Variants in DENND1A observed in about 807,000 individuals in gnomAD.
DENND1A encodes the protein DENN domain containing 1A, also known as DENN domain-containing protein 1A.
DENND1A carries 51 observed loss-of-function variants against 113.7 expected under a neutral mutation model. The observed-to-expected ratio is 0.45, with a 90% CI of 0.36 to 0.57. The LOEUF is 0.57. Among genes scored for constraint, DENND1A ranks in the 20% least tolerant of loss-of-function variants. DENND1A has a pLI of 0.00. For missense variants in DENND1A, 1,258 were observed against 1,395.9 expected (o/e 0.90, Z 1.57); for synonymous variants, 565 against 570.8 (o/e 0.99, Z 0.14).
intron 5 of DENND1A, among the ~76,000 whole-genome samples, chr9:123,724,379 T>C (rs957939144): frequency 1.3e-5 from 2 of 151,940 alleles, no homozygotes; most frequent in Admixed American, 6.6e-5. Context: ...TACTGAAAAA[T>C]AGACACACTG....
At chr9:123,640,154 A>G (rs2061951866) in intron 9 of DENND1A, among the ~76,000 whole-genome samples, 1 of 152,230 alleles carries the variant, frequency 6.6e-6, no homozygotes, top group African/African-American at 2.4e-5. Context: ...TTTAAAATAG[A>G]GAGAGAAAGA....
At chr9:123,471,514 G>A (rs1030580052) in intron 13 of DENND1A, among the ~76,000 whole-genome samples, 3 of 152,240 alleles carry the variant, frequency 2.0e-5, no homozygotes, top group Non-Finnish European at 4.4e-5. Context: ...TACCTGTGCA[G>A]GACATGTGAC....
intron 2 of DENND1A, among the ~76,000 whole-genome samples, chr9:123,837,893 T>C (rs537770119): frequency 1.3e-4 from 20 of 152,364 alleles, no homozygotes; most frequent in South Asian, 1.2e-3. Flanking sequence ...GCAAAAAGAC[T>C]GTACTATTTC....
chr9:123,622,913 G>A (rs2061026692), intron 10 of DENND1A, among the ~76,000 whole-genome samples: 1 of 152,186 alleles, frequency 6.6e-6, no homozygotes, highest in African/African-American at 2.4e-5. Flanking sequence ...CAAGGTCAAG[G>A]CCACCATCAG....
intron 1 of DENND1A, among the ~76,000 whole-genome samples, chr9:123,913,251 CT>C (rs1434902069): frequency 1.3e-5 from 2 of 151,158 alleles, no homozygotes; most frequent in Non-Finnish European, 2.9e-5. Context: ...CCACAGTTTA[CT>C]TTTTATGTAC....
chr9:123,620,609 G>T (rs2060908836), intron 10 of DENND1A, among the ~76,000 whole-genome samples: 2 of 152,172 alleles, frequency 1.3e-5, no homozygotes, highest in Admixed American at 6.5e-5. Flanking sequence ...TCAGGGTCAA[G>T]TTTAGCCAAA....
chr9:123,480,031 A>T (rs529191805), intron 13 of DENND1A, among the ~76,000 whole-genome samples: 2 of 152,370 alleles, frequency 1.3e-5, no homozygotes, highest in South Asian at 4.1e-4. Flanking sequence ...GGAGCTGATA[A>T]TCTGAGGTAC....
chr9:123,668,357 G>A (rs1025081338), intron 7 of DENND1A, among the ~76,000 whole-genome samples: 1 of 152,152 alleles, frequency 6.6e-6, no homozygotes, highest in African/African-American at 2.4e-5. Flanking sequence ...AATGATGATG[G>A]TGACAACAAT....
rs763157092 is a variant in DENND1A at position 123,583,172 on chromosome 9, G to A, written c.864C>T (p.Asp288=). Residue 288 remains aspartate (D), a synonymous_variant, in exon 12 of 24, where the codon GAC becomes GAT. Transcript: ENST00000394215. ...TCCTCGCAAGCTCATTACCTACCAC[G>A]TCGTTTGGGAGGCTCTGGAGGTCAT... is the stretch of plus-strand genomic sequence containing the variant. ...PFDDLQSLPN[D]VISSLKNRLK... 21 of 1,607,436 alleles carry A rather than the reference G, an allele frequency of 1.3e-5. No individual in the cohort carries two copies. Among genetic ancestry groups the A allele is most frequent in the Admixed American group, 1.0e-4 (6 of 59,506 alleles).
In DENND1A at chr9:123,806,471, G is replaced by A. The variant is rs1323837439; in HGVS notation, c.89-13841C>T. Among the ~76,000 whole-genome samples the A allele has an allele frequency of 2.0e-5, 3 of 152,100 alleles. 1 individual carries two copies. The highest frequency in any genetic ancestry group is 1.3e-4 in the Admixed American group (2 of 15,274). On this transcript the variant is annotated intron_variant, in intron 2 of 23. Coordinates refer to ENST00000394215, the MANE Select transcript of DENND1A (RefSeq NM_001352964.2). ...GGGGTTTCACCACATTGGCCAGGTT[G>A]GTCTCGAACTCCTGACCTCAGGTGA...
At chr9:123,434,845 G>A (rs960636391) in intron 19 of DENND1A, among the ~76,000 whole-genome samples, 3 of 152,122 alleles carry the variant, frequency 2.0e-5, no homozygotes, top group African/African-American at 4.8e-5. Flanking sequence ...CAGTGGACCC[G>A]GCTTACAGTG....
chr9:123,468,157 C>T (rs1205997313), intron 13 of DENND1A, among the ~76,000 whole-genome samples: 1 of 152,122 alleles, frequency 6.6e-6, no homozygotes, highest in Non-Finnish European at 1.5e-5. Flanking sequence ...CAGCTCTGCT[C>T]CTTGCTGCTC....
At chr9:123,822,455 A>T (rs1244957161) in intron 2 of DENND1A, among the ~76,000 whole-genome samples, 2 of 152,228 alleles carry the variant, frequency 1.3e-5, no homozygotes, top group African/African-American at 4.8e-5. Flanking sequence ...GAAGGGGGGA[A>T]ATTAGTAATC....
At chr9:123,638,833 C>T (rs78774425) in intron 9 of DENND1A, among the ~76,000 whole-genome samples, 6 of 151,620 alleles carry the variant, frequency 4.0e-5, no homozygotes, top group Non-Finnish European at 8.8e-5. Flanking sequence ...CAAATCTAGT[C>T]TAAGTGGATA....
intron 11 of DENND1A, among the ~76,000 whole-genome samples, chr9:123,586,205 G>C (rs969827538): frequency 6.6e-6 from 1 of 152,060 alleles, no homozygotes; most frequent in South Asian, 2.1e-4. Context: ...CAAACAGAAG[G>C]GAGCAGGAGA....
At chr9:123,808,230 CA>C (rs995177906) in intron 2 of DENND1A, among the ~76,000 whole-genome samples, 1 of 151,622 alleles carries the variant, frequency 6.6e-6, no homozygotes, top group Non-Finnish European at 1.5e-5. Flanking sequence ...CCGTCTCCAA[CA>C]AAAAACAAAC....
At chr9:123,455,136 C>T (rs2048021146) in intron 15 of DENND1A, among the ~76,000 whole-genome samples, 1 of 152,196 alleles carries the variant, frequency 6.6e-6, no homozygotes, top group African/African-American at 2.4e-5. Flanking sequence ...TTGCTTTCAG[C>T]ATTCAGGACT....
At chr9:123,395,468 C>CTCTCTCTG (rs367751848) in intron 21 of DENND1A, among the ~76,000 whole-genome samples, 1 of 142,982 alleles carries the variant, frequency 7.0e-6, no homozygotes, top group African/African-American at 2.7e-5. Context: ...CTCTCTCTCT[C>CTCTCTCTG]TGTGTGTGTG....
chr9:123,876,436 A>C (rs1298673577), intron 2 of DENND1A, among the ~76,000 whole-genome samples: 1 of 152,198 alleles, frequency 6.6e-6, no homozygotes, highest in East Asian at 1.9e-4. Context: ...GGGGTATATA[A>C]GAATATGTCT....
Sources: allele counts gnomAD v4.1 joint callset (sites outside exome capture counted in the v4.1 genomes callset), GRCh38; gene constraint gnomAD v4.1.1; transcripts MANE v1.5; gene names NCBI Gene and HGNC (gene_info 2026-07-23, HGNC 2026-07-21).